MB21D2: variants seen among roughly 807,000 people sequenced by gnomAD.
MB21D2 encodes the protein Mab-21 domain containing 2.
Under a neutral mutation model 33.3 loss-of-function variants are expected in MB21D2, and 9 were observed. That is an observed-to-expected ratio of 0.27 (90% confidence interval 0.16 to 0.47). The LOEUF (loss-of-function observed/expected upper bound fraction) is 0.47, where lower values mean the gene tolerates loss of function less well. Ranked by LOEUF, MB21D2 falls within the 20% of genes least tolerant of loss-of-function variation. The pLI is 0.99. For synonymous variants in MB21D2, 241 were observed against 236.3 expected, an observed-to-expected ratio of 1.02 and a Z score of -0.18; for missense variants, 540 against 624.6, an observed-to-expected ratio of 0.86 and a Z score of 1.44.
chr3:192,915,059 C>T (rs1213957285), intron 1 of MB21D2, among the ~76,000 whole-genome samples: 2 of 152,204 alleles, frequency 1.3e-5, no homozygotes, highest in African/African-American at 4.8e-5. Context: ...ACTAAAGAGG[C>T]TTGCACCCAA....
chr3:192,869,493 T>C (rs563962714), intron 1 of MB21D2, among the ~76,000 whole-genome samples: 1 of 152,206 alleles, frequency 6.6e-6, no homozygotes, highest in African/African-American at 2.4e-5. Flanking sequence ...AACCATCCTG[T>C]CCCCAAATCA....
intron 1 of MB21D2, among the ~76,000 whole-genome samples, chr3:192,871,219 G>A (rs11915908): frequency 0.59 from 90,290 of 151,984 alleles, 28,237 homozygotes; most frequent in African/African-American, 0.78. Context: ...CAATCACCTG[G>A]CATGATGAAA....
intron 1 of MB21D2, among the ~76,000 whole-genome samples, chr3:192,865,784 G>C (rs909463477): frequency 1.2e-4 from 18 of 151,988 alleles, no homozygotes; most frequent in Non-Finnish European, 1.9e-4. Context: ...GCTGATCCCT[G>C]CCTGTAATCT....
At chr3:192,874,438 G>A (rs1171450943) in intron 1 of MB21D2, among the ~76,000 whole-genome samples, 1 of 152,130 alleles carries the variant, frequency 6.6e-6, no homozygotes, top group Non-Finnish European at 1.5e-5. Flanking sequence ...ACTGTCTTAT[G>A]TTTAAAAACA....
At chr3:192,894,707 C>G (rs1038885326) in intron 1 of MB21D2, among the ~76,000 whole-genome samples, 3 of 152,100 alleles carry the variant, frequency 2.0e-5, no homozygotes, top group African/African-American at 4.8e-5. Flanking sequence ...GAATCTCCGT[C>G]CCTCCACCTT....
chr3:192,858,782 A>T (rs1174499074), intron 1 of MB21D2, among the ~76,000 whole-genome samples: 1 of 152,234 alleles, frequency 6.6e-6, no homozygotes, highest in Non-Finnish European at 1.5e-5. Context: ...CCTCCCAGGA[A>T]GAAGACAGTG....
intron 1 of MB21D2, among the ~76,000 whole-genome samples, chr3:192,838,580 C>T (rs537486552): frequency 1.9e-4 from 29 of 151,980 alleles, no homozygotes; most frequent in Middle Eastern, 3.4e-3. Context: ...AGGCGCCCAC[C>T]GCCACACCCA....
chr3:192,915,219 T>A (rs1714436257), intron 1 of MB21D2, among the ~76,000 whole-genome samples: 1 of 152,040 alleles, frequency 6.6e-6, no homozygotes, highest in Non-Finnish European at 1.5e-5. Flanking sequence ...ACCACCCAAG[T>A]AACACCTTAA....
chr3:192,915,878 G>A (rs1714452485), intron 1 of MB21D2, among the ~76,000 whole-genome samples: 1 of 152,034 alleles, frequency 6.6e-6, no homozygotes, highest in South Asian at 2.1e-4. Context: ...TCTAGTAAAT[G>A]ACCTACGCAA....
chr3:192,802,837 C>T (rs574424617), intron 1 of MB21D2, among the ~76,000 whole-genome samples: 46 of 152,278 alleles, frequency 3.0e-4, no homozygotes, highest in Non-Finnish European at 3.1e-4. Flanking sequence ...CATAAATATA[C>T]GTGAGAAGTA....
intron 1 of MB21D2, among the ~76,000 whole-genome samples, chr3:192,817,403 AGAGGGAAGGAGGGAAG>A (rs11270069): frequency 6.6e-6 from 1 of 152,048 alleles, no homozygotes; most frequent in East Asian, 1.9e-4. Flanking sequence ...TAGATAGGAG[AGAGGGAAGGAGGGAAG>A]GAGGGAAGGA....
intron 1 of MB21D2, among the ~76,000 whole-genome samples, chr3:192,876,712 C>A (rs1278512619): frequency 1.3e-5 from 2 of 152,202 alleles, no homozygotes. Flanking sequence ...CCCCCAGGAG[C>A]CATGTTTTCC....
chr3:192,840,919 C>A (rs1162126740), intron 1 of MB21D2, among the ~76,000 whole-genome samples: 1 of 152,124 alleles, frequency 6.6e-6, no homozygotes, highest in Non-Finnish European at 1.5e-5. Flanking sequence ...AGACAAGAGG[C>A]AGGTTGTGGA....
intron 1 of MB21D2, among the ~76,000 whole-genome samples, chr3:192,898,224 ATT>A (rs34727233): frequency 0.51 from 72,565 of 142,792 alleles, 18,187 homozygotes; most frequent in Admixed American, 0.52. Context: ...AATCTCACGT[ATT>A]TTTTTTTTTT....
chr3:192,806,637 TA>T (rs1430622491), intron 1 of MB21D2, among the ~76,000 whole-genome samples: 1 of 152,224 alleles, frequency 6.6e-6, no homozygotes, highest in African/African-American at 2.4e-5. Flanking sequence ...ACCCGCTTTT[TA>T]TGTATACCAT....
chr3:192,843,667 G>A (rs561727083), intron 1 of MB21D2, among the ~76,000 whole-genome samples: 2 of 152,070 alleles, frequency 1.3e-5, no homozygotes, highest in Non-Finnish European at 1.5e-5. Flanking sequence ...GTCCCTCTCC[G>A]CCCTAAAAAT....
chr3:192,889,890 C>T (rs1010032001), intron 1 of MB21D2, among the ~76,000 whole-genome samples: 32 of 151,816 alleles, frequency 2.1e-4, no homozygotes, highest in Non-Finnish European at 1.5e-4. Flanking sequence ...GTCAACACTT[C>T]GTTTAACAAA....
intron 1 of MB21D2, among the ~76,000 whole-genome samples, chr3:192,804,741 C>A (rs1322949247): frequency 6.6e-6 from 1 of 152,088 alleles, no homozygotes; most frequent in East Asian, 1.9e-4. Context: ...TTCTTTCATT[C>A]TGATGCATCC....
intron 1 of MB21D2, among the ~76,000 whole-genome samples, chr3:192,902,755 G>C (rs766117017): frequency 6.6e-6 from 1 of 152,164 alleles, no homozygotes; most frequent in Non-Finnish European, 1.5e-5. Flanking sequence ...ACGTTATGCT[G>C]GTTCTTTCAG....
Sources: allele counts gnomAD v4.1 joint callset (sites outside exome capture counted in the v4.1 genomes callset), GRCh38; gene constraint gnomAD v4.1.1; transcripts MANE v1.5; gene names NCBI Gene and HGNC (gene_info 2026-07-23, HGNC 2026-07-21).